Variants in CEP83 observed in about 807,000 individuals in gnomAD.
The protein encoded by CEP83 is centrosomal protein of 83 kDa.
CEP83 carries 70 observed loss-of-function variants against 101.9 expected under a neutral mutation model. The observed-to-expected ratio is 0.69, with a 90% confidence interval of 0.57 to 0.84. The LOEUF is 0.84. Ranked by LOEUF, CEP83 falls within the 40% of genes least tolerant of loss-of-function variation. The pLI, the probability that CEP83 is intolerant of heterozygous loss-of-function variation, is 0.00. For missense variants in CEP83, 715 were observed against 787.2 expected, an observed-to-expected ratio of 0.91 and a Z score of 1.10; for synonymous variants, 264 against 267.9, an observed-to-expected ratio of 0.99 and a Z score of 0.14.
rs757153242 is a variant in CEP83, at chr12:94,378,834, A to G, written c.758T>C (p.Val253Ala). The G allele has an allele frequency of 3.6e-5, 58 of 1,613,878 alleles. No homozygotes were observed. The highest frequency in any genetic ancestry group is 3.8e-5 in the Non-Finnish European group (45 of 1,179,948). Residue 253 changes from valine (V) to alanine (A), a missense_variant, in exon 7 of 17, where the codon GTG becomes GCG. Transcript: ENST00000397809. ...AGCCTGCATCTCAGCCAACTGCCGC[A>G]CCTGTATTCTTTGGGCATTTTCCAC... ...AQVENAQRIQ[V>A]RQLAEMQATV...
intron 11 of CEP83, among the ~76,000 whole-genome samples, chr12:94,362,694 C>A (rs1411339636): frequency 5.3e-5 from 8 of 152,238 alleles, no homozygotes; most frequent in Non-Finnish European, 1.0e-4. Flanking sequence ...TGGGTATATA[C>A]CCAAAGCAAA....
intron 6 of CEP83, among the ~76,000 whole-genome samples, chr12:94,394,598 T>A (rs990348541): frequency 3.9e-5 from 6 of 152,114 alleles, no homozygotes; most frequent in African/African-American, 1.4e-4. Context: ...CCAAAAGCAA[T>A]GGCAACAAAA....
At chr12:94,371,813 AAT>A (rs372927937) in intron 8 of CEP83, among the ~76,000 whole-genome samples, 14 of 152,358 alleles carry the variant, frequency 9.2e-5, no homozygotes, top group African/African-American at 3.4e-4. Context: ...CGTTTCAAGG[AAT>A]AGTTTCATGC....
intron 6 of CEP83, among the ~76,000 whole-genome samples, chr12:94,399,837 T>TC: frequency 6.6e-6 from 1 of 152,328 alleles, no homozygotes; most frequent in South Asian, 2.1e-4. Context: ...TAAAGAGTTT[T>TC]TTTTAATGTG....
chr12:94,339,594 A>G (rs988420583), intron 11 of CEP83, among the ~76,000 whole-genome samples: 1 of 152,208 alleles, frequency 6.6e-6, no homozygotes, highest in Non-Finnish European at 1.5e-5. Context: ...GCTTCATTTA[A>G]TGTGAGTCCC....
the CEP83 span, chr12:94,282,158 T>C: frequency 8.1e-6 from 5 of 618,660 alleles, no homozygotes; most frequent in Non-Finnish European, 1.4e-5. Context: ...GAATTCAGGC[T>C]ACCAGTCTGG....
chr12:94,456,302 C>T (rs963757181), intron 1 of CEP83, among the ~76,000 whole-genome samples: 3 of 152,092 alleles, frequency 2.0e-5, no homozygotes, highest in African/African-American at 7.2e-5. Flanking sequence ...TTTCTGATTC[C>T]GTGAATTCCC....
At chr12:94,312,030 G>A (rs555964041) in intron 15 of CEP83, among the ~76,000 whole-genome samples, 34 of 151,976 alleles carry the variant, frequency 2.2e-4, no homozygotes, top group African/African-American at 6.5e-4. Flanking sequence ...AGCTATGATC[G>A]TGCCACTGCA....
chr12:94,359,677 G>C (rs1385894444), intron 11 of CEP83, among the ~76,000 whole-genome samples: 1 of 152,060 alleles, frequency 6.6e-6, no homozygotes, highest in African/African-American at 2.4e-5. Context: ...GGACCAGATG[G>C]CTTCACTGCT....
At chr12:94,309,825 A>G (rs1422994751) in intron 16 of CEP83, 93 bp downstream of exon 16, 3 of 804,224 alleles carry the variant, frequency 3.7e-6, no homozygotes, top group African/African-American at 1.7e-5. Context: ...AGCACTGACC[A>G]AAGTTATAAT....
At chr12:94,402,524 G>A (rs546665945) in intron 5 of CEP83, among the ~76,000 whole-genome samples, 1 of 152,316 alleles carries the variant, frequency 6.6e-6, no homozygotes, top group East Asian at 1.9e-4. Context: ...AGGCCCCATT[G>A]AGAAAGTGAC....
chr12:94,345,033 A>G (rs2059867363), intron 11 of CEP83, among the ~76,000 whole-genome samples: 1 of 152,228 alleles, frequency 6.6e-6, no homozygotes, highest in Non-Finnish European at 1.5e-5. Flanking sequence ...GGGAAAAGAT[A>G]GTCTTCAAAA....
At chr12:94,301,011 A>G in the CEP83 span, 1 of 1,613,904 alleles carries the variant, frequency 6.2e-7, no homozygotes, top group Non-Finnish European at 8.5e-7. Flanking sequence ...GTGATTGCCC[A>G]GGCATTCATG....
intron 1 of CEP83, among the ~76,000 whole-genome samples, chr12:94,450,172 A>G (rs531094795): frequency 3.9e-5 from 6 of 152,346 alleles, no homozygotes; most frequent in African/African-American, 1.4e-4. Flanking sequence ...AGCAAAAATG[A>G]AGAAATAAAT....
chr12:94,363,251 A>T (rs1029270124), intron 11 of CEP83, among the ~76,000 whole-genome samples: 4 of 152,250 alleles, frequency 2.6e-5, no homozygotes, highest in Non-Finnish European at 5.9e-5. Flanking sequence ...TTTGATCATT[A>T]CACATTGTAT....
Position 94,307,853 on chromosome 12 carries a change from C to T in CEP83, c.*960G>A, listed in dbSNP as rs149081493. 6.6e-6 allele frequency: 1 copy of T among 152,086 alleles called. No homozygotes were observed. Among genetic ancestry groups the T allele is most frequent in the African/African-American group, 2.4e-5 (1 of 41,398 alleles). The allele number at this position is 152,086 out of a possible 1,614,324, so 9.4% of individuals were successfully genotyped here. A position where few individuals can be genotyped will look rare whatever the true frequency, so the allele number is the denominator to read the frequency against. ...GTGCTAAGGACTGCTCAATTACAGT[C>T]CTGGCCTTCTTCACTATCAACTGGG... On this transcript the variant is annotated 3_prime_UTR_variant, in exon 17 of 17. Coordinates refer to ENST00000397809, the MANE Select transcript of CEP83 (RefSeq NM_016122.3).
chr12:94,423,923 A>G (rs2064983736), intron 2 of CEP83: 1 of 1,611,100 alleles, frequency 6.2e-7, no homozygotes, highest in African/African-American at 1.3e-5. Context: ...TGTGCTGCTG[A>G]GGCAGAGATG....
intron 11 of CEP83, among the ~76,000 whole-genome samples, chr12:94,345,861 T>G (rs1565952508): frequency 6.6e-6 from 1 of 152,214 alleles, no homozygotes. Context: ...CAATCATGTT[T>G]ATCCAATGAA....
At chr12:94,297,146 T>G in the CEP83 span, 1 of 1,610,264 alleles carries the variant, frequency 6.2e-7, no homozygotes, top group East Asian at 2.2e-5. Flanking sequence ...ATGGTTGCTT[T>G]TTTTAATGGA....
Sources: gnomAD v4.1 joint callset for allele counts (sites outside exome capture counted in the v4.1 genomes callset) on GRCh38, gnomAD v4.1.1 for gene constraint, MANE v1.5 for transcripts, NCBI Gene and HGNC (gene_info 2026-07-23, HGNC 2026-07-21) for gene names.